The following PAFAH1B1 variants were observed in gnomAD, a reference collection of about 807,000 sequenced individuals.
PAFAH1B1 encodes the protein platelet activating factor acetylhydrolase 1b regulatory subunit 1.
In PAFAH1B1, 2 loss-of-function variants were observed where a neutral mutation model predicts 57.5. The observed-to-expected ratio is 0.03, with a 90% CI of 0.01 to 0.11. The LOEUF is 0.11. PAFAH1B1 is among the 10% of genes least tolerant of loss of function. PAFAH1B1 has a pLI of 1.00. For missense variants in PAFAH1B1, 257 were observed against 512.0 expected (o/e 0.50, Z 4.81); for synonymous variants, 152 against 169.6 (o/e 0.90, Z 0.81).
intron 1 of PAFAH1B1, among the ~76,000 whole-genome samples, chr17:2,617,072 C>CA (rs903248836): frequency 2.1e-4 from 32 of 150,358 alleles, no homozygotes; most frequent in East Asian, 1.6e-3. Flanking sequence ...GACTCCGTCT[C>CA]AAAAAAAAAT....
intron 1 of PAFAH1B1, among the ~76,000 whole-genome samples, chr17:2,616,336 G>GGT (rs369161877): frequency 6.6e-5 from 10 of 152,056 alleles, no homozygotes; most frequent in Non-Finnish European, 1.2e-4. Context: ...AGGCCAATAG[G>GGT]GTGTGTGTGT....
intron 1 of PAFAH1B1, among the ~76,000 whole-genome samples, chr17:2,637,897 T>G (rs1212956519): frequency 6.6e-6 from 1 of 152,212 alleles, no homozygotes; most frequent in African/African-American, 2.4e-5. Context: ...AATGCTGTTT[T>G]GGCTCATTGA....
intron 1 of PAFAH1B1, among the ~76,000 whole-genome samples, chr17:2,636,984 G>C (rs1597540835): frequency 6.6e-6 from 1 of 152,000 alleles, no homozygotes; most frequent in Non-Finnish European, 1.5e-5. Flanking sequence ...ACCTCCCAAA[G>C]TACTAGGATT....
chr17:2,643,762 T>C (rs1050013055), intron 2 of PAFAH1B1, among the ~76,000 whole-genome samples: 12 of 152,112 alleles, frequency 7.9e-5, no homozygotes, highest in African/African-American at 2.9e-4. Flanking sequence ...GATTTCACCA[T>C]GTTGGCCAGG....
At chr17:2,629,940 C>G (rs1257146292) in intron 1 of PAFAH1B1, among the ~76,000 whole-genome samples, 1 of 152,048 alleles carries the variant, frequency 6.6e-6, no homozygotes, top group South Asian at 2.1e-4. Flanking sequence ...ATGAAATGCC[C>G]TTTTCCACCC....
chr17:2,620,386 C>G (rs916507256), intron 1 of PAFAH1B1, among the ~76,000 whole-genome samples: 1 of 152,126 alleles, frequency 6.6e-6, no homozygotes, highest in Non-Finnish European at 1.5e-5. Context: ...TAACTTAACT[C>G]AGTATCTTAT....
chr17:2,679,434 A>G (rs1298010220), intron 9 of PAFAH1B1, among the ~76,000 whole-genome samples: 1 of 150,684 alleles, frequency 6.6e-6, no homozygotes, highest in Non-Finnish European at 1.5e-5. Flanking sequence ...GGATGATTGG[A>G]TGGTTGGATG....
intron 1 of PAFAH1B1, among the ~76,000 whole-genome samples, chr17:2,625,679 A>C (rs1180855708): frequency 6.6e-6 from 1 of 152,212 alleles, no homozygotes; most frequent in African/African-American, 2.4e-5. Context: ...TAATCTCAGC[A>C]CTTTGGGTGG....
At chr17:2,661,222 T>C (rs2069009288) in intron 2 of PAFAH1B1, among the ~76,000 whole-genome samples, 1 of 152,194 alleles carries the variant, frequency 6.6e-6, no homozygotes, top group Non-Finnish European at 1.5e-5. Flanking sequence ...CTTTTGGCAT[T>C]TTCATCAAGA....
At chr17:2,606,052 G>C (rs902932341) in intron 1 of PAFAH1B1, among the ~76,000 whole-genome samples, 1 of 152,166 alleles carries the variant, frequency 6.6e-6, no homozygotes, top group African/African-American at 2.4e-5. Context: ...AGCTAGACAA[G>C]CCCTTAAATA....
chr17:2,617,936 G>A (rs948805618), intron 1 of PAFAH1B1, among the ~76,000 whole-genome samples: 15 of 149,884 alleles, frequency 1.0e-4, no homozygotes, highest in African/African-American at 3.4e-4. Context: ...ATCAAAAAAC[G>A]TCTCGGTATT....
At chr17:2,646,438 AGGTCAGGAG>A in intron 2 of PAFAH1B1, among the ~76,000 whole-genome samples, 1 of 32,380 alleles carries the variant, frequency 3.1e-5, no homozygotes, top group Non-Finnish European at 1.2e-4. Context: ...GGATCACTTG[AGGTCAGGAG>A]TTTGAGACCT....
intron 1 of PAFAH1B1, among the ~76,000 whole-genome samples, chr17:2,625,041 C>T (rs1244721830): frequency 6.8e-5 from 10 of 146,152 alleles, no homozygotes; most frequent in Non-Finnish European, 1.3e-4. Context: ...TTTTTTAACT[C>T]TTCCACTTTC....
At chr17:2,651,314 C>T (rs756399166) in intron 2 of PAFAH1B1, among the ~76,000 whole-genome samples, 5 of 150,202 alleles carry the variant, frequency 3.3e-5, no homozygotes, top group Admixed American at 6.7e-5. Flanking sequence ...CGGTGGCTCA[C>T]GTATGTAATC....
intron 7 of PAFAH1B1, chr17:2,673,650 A>AT (rs1291452963): frequency 1.1e-5 from 2 of 188,146 alleles, no homozygotes; most frequent in Non-Finnish European, 2.2e-5. Flanking sequence ...AAAAAAAAAA[A>AT]CAAAAAGTAA....
chr17:2,670,126 G>C, intron 5 of PAFAH1B1, 37 bp from the exon 6 acceptor site: 1 of 1,588,922 alleles, frequency 6.3e-7, no homozygotes. Context: ...AAGGAGTGAT[G>C]GAGTTGGTGT....
At chr17:2,596,172 G>C (rs1389243970) in intron 1 of PAFAH1B1, among the ~76,000 whole-genome samples, 3 of 150,722 alleles carry the variant, frequency 2.0e-5, no homozygotes, top group Non-Finnish European at 3.0e-5. Context: ...ATTTGTCCCT[G>C]TGTGTGTGTG....
chr17:2,682,789 A>G lies in PAFAH1B1; in HGVS notation c.*987A>G, dbSNP rs536220187. ...GGAATACAGCAGTTTGTTTTTCAACATGAATCTGATATTGATTTAAACTGT... is the reference window on the plus strand; with the variant it reads ...GGAATACAGCAGTTTGTTTTTCAACGTGAATCTGATATTGATTTAAACTGT... On this transcript the variant is annotated 3_prime_UTR_variant, in exon 11 of 11. Coordinates refer to ENST00000397195, the MANE Select transcript of PAFAH1B1 (RefSeq NM_000430.4). 4 of 152,868 alleles carry G rather than the reference A, an allele frequency of 2.6e-5. No individual in the cohort carries two copies. In the East Asian group the frequency reaches 5.8e-4, roughly 22 times the overall value. 9.5% of individuals were successfully genotyped at this position (152,868 alleles called of 1,614,324 possible).
chr17:2,661,358 C>G (rs1276787060), intron 2 of PAFAH1B1, among the ~76,000 whole-genome samples: 1 of 152,082 alleles, frequency 6.6e-6, no homozygotes, highest in East Asian at 1.9e-4. Context: ...AGGAAGGGGT[C>G]CAGTTTCAGT....
Sources: gnomAD v4.1 joint callset for allele counts (sites outside exome capture counted in the v4.1 genomes callset) on GRCh38, gnomAD v4.1.1 for gene constraint, MANE v1.5 for transcripts, NCBI Gene and HGNC (gene_info 2026-07-23, HGNC 2026-07-21) for gene names.